The following CADM2 variants were observed in gnomAD, a reference collection of about 807,000 sequenced individuals.
CADM2 encodes immunoglobulin superfamily member 4D.
CADM2 carries 12 observed loss-of-function variants against 49.8 expected under a neutral mutation model. The observed-to-expected ratio is 0.24, with a 90% confidence interval of 0.15 to 0.39. CADM2 has a LOEUF of 0.39. Among genes scored for constraint, CADM2 ranks in the 10% least tolerant of loss-of-function variants. The probability of loss-of-function intolerance (pLI) is 1.00; values close to 1 mark genes in which losing one functional copy is unlikely to be tolerated. For missense variants in CADM2, 378 were observed against 492.3 expected (o/e 0.77, Z 2.20); for synonymous variants, 214 against 175.4 (o/e 1.22, Z -1.74).
At chr3:85,199,441 CAG>C (rs2107742079) in intron 1 of CADM2, among the ~76,000 whole-genome samples, 1 of 148,648 alleles carries the variant, frequency 6.7e-6, no homozygotes, top group South Asian at 2.1e-4. Context: ...CAAACAAAAA[CAG>C]AGAAAATAAT....
At chr3:85,501,129 T>G (rs1483584035) in intron 1 of CADM2, among the ~76,000 whole-genome samples, 1 of 152,222 alleles carries the variant, frequency 6.6e-6, no homozygotes, top group East Asian at 1.9e-4. Context: ...ATGATTTCAA[T>G]TCAGTTTTAC....
At chr3:85,307,161 A>G (rs915446830) in intron 1 of CADM2, among the ~76,000 whole-genome samples, 1 of 151,524 alleles carries the variant, frequency 6.6e-6, no homozygotes, top group African/African-American at 2.4e-5. Context: ...ACGTATATGC[A>G]TATATATATG....
At chr3:85,548,998 T>G (rs1260882705) in intron 1 of CADM2, among the ~76,000 whole-genome samples, 1 of 152,232 alleles carries the variant, frequency 6.6e-6, no homozygotes, top group Admixed American at 6.5e-5. Flanking sequence ...GTTATAGTGC[T>G]ACATAATAGA....
intron 7 of CADM2, among the ~76,000 whole-genome samples, chr3:85,953,196 T>TAGAC (rs1346096348): frequency 6.6e-6 from 1 of 151,014 alleles, no homozygotes; most frequent in Admixed American, 6.6e-5. Context: ...TTTCGTCCTA[T>TAGAC]AGACTTTCTC....
chr3:84,992,338 T>C (rs564533258), intron 1 of CADM2, among the ~76,000 whole-genome samples: 1 of 152,338 alleles, frequency 6.6e-6, no homozygotes, highest in Non-Finnish European at 1.5e-5. Flanking sequence ...GAAAATGCTA[T>C]TTAACATTCA....
chr3:85,790,173 A>G lies in CADM2; in HGVS notation c.89-11874A>G, dbSNP rs550320529. ...GCTGGGAATATTAAAGAAAGCTGAG[A>G]TATCACAATCATGCAAAACATTTTT... On this transcript the variant is annotated intron_variant, in intron 2 of 9. Transcript: ENST00000383699. Among the ~76,000 whole-genome samples the G allele has an allele frequency of 2.0e-5, 3 of 152,358 alleles. No individual in the cohort carries two copies. The East Asian group carries it at 5.8e-4, about 29-fold the overall frequency.
intron 8 of CADM2, among the ~76,000 whole-genome samples, chr3:86,033,398 A>G (rs1734770350): frequency 6.6e-6 from 1 of 151,892 alleles, no homozygotes. Flanking sequence ...TATATATAAG[A>G]TACCATTATT....
At chr3:85,661,948 T>C (rs1295240578) in intron 1 of CADM2, among the ~76,000 whole-genome samples, 2 of 152,094 alleles carry the variant, frequency 1.3e-5, no homozygotes, top group African/African-American at 4.8e-5. Flanking sequence ...TGTATGTTAT[T>C]ATTCTCTCTT....
chr3:85,588,317 G>T (rs1356909749), intron 1 of CADM2, among the ~76,000 whole-genome samples: 1 of 151,892 alleles, frequency 6.6e-6, no homozygotes, highest in African/African-American at 2.4e-5. Flanking sequence ...GGCTTGTGTG[G>T]TTAAGGATGT....
chr3:85,745,670 A>G (rs2068587281), intron 2 of CADM2, among the ~76,000 whole-genome samples: 1 of 152,168 alleles, frequency 6.6e-6, no homozygotes, highest in Non-Finnish European at 1.5e-5. Context: ...GTTCAAGACC[A>G]GCCTATGCAA....
intron 3 of CADM2, among the ~76,000 whole-genome samples, chr3:85,819,410 C>G (rs1577391249): frequency 6.6e-6 from 1 of 152,102 alleles, no homozygotes; most frequent in Non-Finnish European, 1.5e-5. Context: ...TTAATATTAA[C>G]CATCACAGAA....
intron 1 of CADM2, among the ~76,000 whole-genome samples, chr3:85,125,414 G>T (rs1359050653): frequency 6.6e-6 from 1 of 151,774 alleles, no homozygotes; most frequent in Non-Finnish European, 1.5e-5. Context: ...TGTTGCCCAG[G>T]CAGTGACACG....
intron 1 of CADM2, among the ~76,000 whole-genome samples, chr3:85,385,391 G>A (rs377739975): frequency 6.6e-6 from 1 of 152,180 alleles, no homozygotes; most frequent in Non-Finnish European, 1.5e-5. Flanking sequence ...ACTGATAGTA[G>A]GGGAGAGAAT....
At chr3:85,107,015 G>A (rs2038252851) in intron 1 of CADM2, among the ~76,000 whole-genome samples, 1 of 152,052 alleles carries the variant, frequency 6.6e-6, no homozygotes, top group South Asian at 2.1e-4. Context: ...GAAAAAGTGG[G>A]ACAGGGAGAC....
intron 1 of CADM2, among the ~76,000 whole-genome samples, chr3:85,444,682 A>T (rs2037365524): frequency 6.6e-6 from 1 of 152,180 alleles, no homozygotes; most frequent in African/African-American, 2.4e-5. Flanking sequence ...GTCTGTCAAC[A>T]TATAACATAC....
chr3:85,162,941 G>A (rs1353647130), intron 1 of CADM2, among the ~76,000 whole-genome samples: 1 of 151,632 alleles, frequency 6.6e-6, no homozygotes, highest in Non-Finnish European at 1.5e-5. Context: ...GAAGAAAATA[G>A]ACATATATAT....
At chr3:85,885,235 A>G (rs1057482681) in intron 4 of CADM2, among the ~76,000 whole-genome samples, 2 of 151,958 alleles carry the variant, frequency 1.3e-5, no homozygotes, top group African/African-American at 4.8e-5. Context: ...GTATTTTCAC[A>G]GGTAAAATTT....
chr3:85,091,312 G>A (rs559411459), intron 1 of CADM2, among the ~76,000 whole-genome samples: 2 of 152,164 alleles, frequency 1.3e-5, no homozygotes, highest in African/African-American at 4.8e-5. Flanking sequence ...CTAGTTATGC[G>A]TAATCTGTAA....
In CADM2 at chr3:85,590,111, G is replaced by T. The variant is rs184918003; in HGVS notation, c.62-136411G>T. 3.8e-3 allele frequency among the ~76,000 whole-genome samples: 572 copies of T among 152,086 alleles called. 4 individuals carry two copies. The highest frequency in any genetic ancestry group is 3.8e-3 in the Non-Finnish European group (261 of 67,952). ...GCCATCAGCTTGCTGGTCATGGATA[G>T]TTCACATGTAGAGAAGTTTTTATCT... is the stretch of plus-strand genomic sequence containing the variant. On this transcript the variant is annotated intron_variant, in intron 1 of 9. Coordinates refer to ENST00000383699, the MANE Select transcript of CADM2 (RefSeq NM_001167675.2).
Sources: allele counts gnomAD v4.1 joint callset (sites outside exome capture counted in the v4.1 genomes callset), GRCh38; gene constraint gnomAD v4.1.1; transcripts MANE v1.5; gene names NCBI Gene and HGNC (gene_info 2026-07-23, HGNC 2026-07-21).